EYS: variants seen among roughly 807,000 people sequenced by gnomAD.
The protein encoded by EYS is EGF-like photoreceptor maintenance factor.
A neutral mutation model predicts 282.1 loss-of-function variants in EYS; 250 were observed. The ratio of observed to expected loss-of-function variants is 0.89; its 90% confidence interval spans 0.80 to 0.98. EYS has a LOEUF of 0.98. EYS is among the 50% of genes least tolerant of loss of function. The pLI is 0.00. For missense variants in EYS, 4,016 were observed against 3,709.0 expected (o/e 1.08, Z -2.15); for synonymous variants, 1,355 against 1,282.9 (o/e 1.06, Z -1.20).
intron 29 of EYS, chr6:64,379,632 A>C (rs1772680230): frequency 6.6e-6 from 1 of 152,194 alleles, no homozygotes; most frequent in Non-Finnish European, 1.5e-5. Flanking sequence ...GTGAAAATTT[A>C]AGCAGAACAG....
At chr6:65,216,391 T>A (rs1317078818) in intron 12 of EYS, among the ~76,000 whole-genome samples, 1 of 152,022 alleles carries the variant, frequency 6.6e-6, no homozygotes, top group Non-Finnish European at 1.5e-5. Flanking sequence ...TCATGAAATA[T>A]GAATAAGTTT....
intron 35 of EYS, among the ~76,000 whole-genome samples, chr6:63,894,502 G>A (rs568092346): frequency 2.0e-5 from 3 of 152,234 alleles, no homozygotes; most frequent in African/African-American, 7.2e-5. Context: ...ACGGAGGATG[G>A]CTCTGGCAAC....
chr6:64,415,162 T>C (rs761210478), intron 28 of EYS, among the ~76,000 whole-genome samples: 72 of 152,198 alleles, frequency 4.7e-4, no homozygotes, highest in Non-Finnish European at 9.4e-4. Flanking sequence ...AACCAACAAC[T>C]ACACTAAATG....
chr6:64,275,600 T>C (rs544106519), intron 30 of EYS, among the ~76,000 whole-genome samples: 58 of 151,892 alleles, frequency 3.8e-4, no homozygotes, highest in African/African-American at 1.3e-3. Flanking sequence ...GTATTTTCAG[T>C]AGAGACATGG....
rs1772958771 is a variant in EYS, at chr6:64,387,683, A to G, written c.6078+1007T>C. 2.6e-5 allele frequency among the ~76,000 whole-genome samples: 4 copies of G among 152,270 alleles called. No individual in the cohort carries two copies. The South Asian group carries it at 8.3e-4, about 32-fold the overall frequency. ...AATGGTTTCATTTACGAAAAAGTCAATGAAGCACATTAATGTTATAGAAAA... is the reference window on the plus strand; with the variant it reads ...AATGGTTTCATTTACGAAAAAGTCAGTGAAGCACATTAATGTTATAGAAAA... On this transcript the variant is annotated intron_variant, in intron 29 of 42. Coordinates refer to ENST00000503581, the MANE Select transcript of EYS (RefSeq NM_001142800.2).
At position 65,296,218 on chromosome 6, in the gene EYS, A is replaced by T. The variant is rs1157933310; in HGVS notation, c.1767-99T>A. ...CATTTATTTAAAAACACAGAAATAA[A>T]TATTTAATGAAGATAGTTGTGGGGT... On this transcript the variant is annotated intron_variant, in intron 11 of 42. Coordinates refer to ENST00000503581, the MANE Select transcript of EYS (RefSeq NM_001142800.2). 4 of 1,213,008 alleles carry T rather than the reference A, an allele frequency of 3.3e-6. No individual in the cohort carries two copies. In the East Asian group the frequency reaches 1.1e-4, roughly 32 times the overall value. 75.1% of individuals were successfully genotyped at this position (1,213,008 alleles called of 1,614,324 possible). A position where few individuals can be genotyped will look rare whatever the true frequency, so the allele number is the denominator to read the frequency against.
At chr6:65,037,152 C>T (rs566268988) in intron 13 of EYS, among the ~76,000 whole-genome samples, 1 of 151,902 alleles carries the variant, frequency 6.6e-6, no homozygotes, top group South Asian at 2.1e-4. Flanking sequence ...AGATCATATT[C>T]TTTGTAGCAA....
chr6:64,248,195 G>A (rs1361933369), intron 30 of EYS, among the ~76,000 whole-genome samples: 2 of 139,268 alleles, frequency 1.4e-5, no homozygotes, highest in African/African-American at 3.4e-5. Flanking sequence ...GTGTGTGTGT[G>A]TGTGTGTGTG....
chr6:65,353,204 A>G (rs1764352856), intron 9 of EYS, among the ~76,000 whole-genome samples: 1 of 151,942 alleles, frequency 6.6e-6, no homozygotes, highest in South Asian at 2.1e-4. Flanking sequence ...CAACAAATGG[A>G]TTTATGAAAG....
At chr6:64,265,968 A>G (rs966322796) in intron 30 of EYS, among the ~76,000 whole-genome samples, 3 of 152,132 alleles carry the variant, frequency 2.0e-5, no homozygotes, top group Non-Finnish European at 4.4e-5. Context: ...TCCAACAGTT[A>G]AGAGTGGCAA....
intron 1 of EYS, among the ~76,000 whole-genome samples, chr6:65,648,314 A>ATGTGTGTGTG (rs58196369): frequency 9.5e-5 from 14 of 147,894 alleles, no homozygotes; most frequent in African/African-American, 3.2e-4. Flanking sequence ...AAGAAAATAT[A>ATGTGTGTGTG]TGTGTGTGTG....
chr6:64,289,475 C>T (rs1922957), intron 30 of EYS, among the ~76,000 whole-genome samples: 1 of 151,836 alleles, frequency 6.6e-6, no homozygotes, highest in African/African-American at 2.4e-5. Flanking sequence ...AGTTCTCATC[C>T]TATGAGAAGG....
chr6:64,193,992 T>A (rs368942348), intron 31 of EYS, among the ~76,000 whole-genome samples: 3 of 152,302 alleles, frequency 2.0e-5, no homozygotes, highest in East Asian at 3.9e-4. Context: ...GCAGCATGAT[T>A]TATAATCCTT....
chr6:65,275,576 A>G (rs752354304), intron 12 of EYS, among the ~76,000 whole-genome samples: 2 of 152,200 alleles, frequency 1.3e-5, no homozygotes, highest in Non-Finnish European at 2.9e-5. Context: ...AAAAGGAAAG[A>G]AGACTTAGGC....
chr6:63,840,071 G>A (rs184393760), intron 36 of EYS, among the ~76,000 whole-genome samples: 6 of 141,458 alleles, frequency 4.2e-5, no homozygotes, highest in Admixed American at 1.4e-4. Context: ...TTTTTGAGAC[G>A]GAGTCTCGCT....
chr6:64,804,385 C>T (rs950459556), intron 22 of EYS, among the ~76,000 whole-genome samples: 3 of 152,246 alleles, frequency 2.0e-5, no homozygotes, highest in African/African-American at 7.2e-5. Flanking sequence ...TAACAATTCA[C>T]TTTTATTCTT....
At position 64,603,762 on chromosome 6, in the gene EYS, C is replaced by T. The variant is rs560569668; in HGVS notation, c.3685-10453G>A. On this transcript the variant is annotated intron_variant, in intron 24 of 42. Transcript: ENST00000503581. ...GTAAGTGTGATCTATGCATGTCTTC[C>T]GAACAGAGTCTATCTTAATGGATTA... 8.1e-4 allele frequency among the ~76,000 whole-genome samples: 123 copies of T among 151,878 alleles called. 1 individual carries two copies. Among genetic ancestry groups the T allele is most frequent in the African/African-American group, 2.7e-3 (114 of 41,482 alleles).
At chr6:65,330,920 T>C in intron 11 of EYS, 1 of 982,794 alleles carries the variant, frequency 1.0e-6, no homozygotes, top group Non-Finnish European at 1.2e-6. Flanking sequence ...TACCATTTAC[T>C]AAAGAACCCT....
intron 35 of EYS, among the ~76,000 whole-genome samples, chr6:63,900,162 C>CT (rs1304130424): frequency 6.6e-6 from 1 of 152,028 alleles, no homozygotes; most frequent in Non-Finnish European, 1.5e-5. Context: ...AAAACACAAT[C>CT]TTTTTTCATG....
Sources: allele counts gnomAD v4.1 joint callset (sites outside exome capture counted in the v4.1 genomes callset), GRCh38; gene constraint gnomAD v4.1.1; transcripts MANE v1.5; gene names NCBI Gene and HGNC (gene_info 2026-07-23, HGNC 2026-07-21).